OVCH2: variants seen among roughly 807,000 people sequenced by gnomAD.
OVCH2 encodes the protein ovochymase-2.
In OVCH2, 88 loss-of-function variants were observed where a neutral mutation model predicts 73.7. That is an observed-to-expected ratio of 1.19 (90% CI 1.01 to 1.43). The LOEUF (loss-of-function observed/expected upper bound fraction) is 1.43. OVCH2 is among the 40% of genes most tolerant of loss of function. The probability of loss-of-function intolerance (pLI) is 0.00; values close to 1 mark genes in which losing one functional copy is unlikely to be tolerated. For synonymous variants in OVCH2, 265 were observed against 234.5 expected (o/e 1.13, Z -1.19); for missense variants, 706 against 674.5 (o/e 1.05, Z -0.52).
Position 7,690,016 on chromosome 11 carries a change from G to T in OVCH2, c.1640-3C>A. The T allele has an allele frequency of 6.7e-7, 1 of 1,501,604 alleles. No individual in the cohort carries two copies. Among genetic ancestry groups the T allele is most frequent in the South Asian group, 1.2e-5 (1 of 83,362 alleles). The allele number at this position is 1,501,604 out of a possible 1,614,324, so 93.0% of individuals were successfully genotyped here. ...GGAGATGTTTAAATCTGGGTATACT[G>T]GGTATAAGTATGATACAATTACTCA... On this transcript the variant is annotated splice_region_variant and splice_polypyrimidine_tract_variant and intron_variant, in intron 14 of 15. Coordinates refer to ENST00000533663, the MANE Select transcript of OVCH2 (RefSeq NM_198185.7).
In OVCH2 at chr11:7,696,691, A is replaced by G. The variant is rs1856341503; in HGVS notation, c.1016+18T>C. 1 of 1,613,890 alleles carries G rather than the reference A, an allele frequency of 6.2e-7. No individual in the cohort carries two copies. On this transcript the variant is annotated intron_variant, in intron 9 of 15. Coordinates refer to ENST00000533663, the MANE Select transcript of OVCH2 (RefSeq NM_198185.7). ...GGAGGTGGGAGTAAGGAGGAGGAGT[A>G]CAAAGGGGGTTACTCACTGCTTGCT...
At chr11:7,682,954 T>G in the OVCH2 span, among the ~76,000 whole-genome samples, 2 of 152,342 alleles carry the variant, frequency 1.3e-5, no homozygotes, top group Admixed American at 6.5e-5. Context: ...AACCACCATG[T>G]TGCAATCACC....
At chr11:7,706,271 A>G (rs1275850960) in intron 1 of OVCH2, 36 bp downstream of exon 1, 2 of 1,544,204 alleles carry the variant, frequency 1.3e-6, no homozygotes, top group South Asian at 2.4e-5. Context: ...GCAAAGGTTC[A>G]GACAAAGGTA....
intron 4 of OVCH2, 145 bp from the exon 5 acceptor site, chr11:7,701,956 C>T (rs1856448425): frequency 1.2e-6 from 1 of 833,006 alleles, no homozygotes; most frequent in African/African-American, 1.7e-5. Context: ...GGTTACTTGT[C>T]AATTAAAGAA....
At chr11:7,693,572 T>G (rs1322575390) in intron 12 of OVCH2, among the ~76,000 whole-genome samples, 1 of 152,226 alleles carries the variant, frequency 6.6e-6, no homozygotes, top group Non-Finnish European at 1.5e-5. Flanking sequence ...GATTTTCAAC[T>G]AAATTTCCTC....
intron 3 of OVCH2, among the ~76,000 whole-genome samples, chr11:7,702,799 C>A (rs758396369): frequency 1.3e-5 from 2 of 152,174 alleles, no homozygotes; most frequent in African/African-American, 4.8e-5. Flanking sequence ...AACTAATGTT[C>A]TCTGAAAGGA....
chr11:7,690,829 C>T (rs570149322), intron 14 of OVCH2, among the ~76,000 whole-genome samples: 1 of 151,970 alleles, frequency 6.6e-6, no homozygotes, highest in Non-Finnish European at 1.5e-5. Context: ...AAAATGGCCC[C>T]AAGCATAGTG....
chr11:7,697,909 C>A (rs1044838832), intron 8 of OVCH2, among the ~76,000 whole-genome samples: 2 of 152,172 alleles, frequency 1.3e-5, no homozygotes, highest in Non-Finnish European at 2.9e-5. Flanking sequence ...ATTACTCAAT[C>A]GTATCCAAAC....
Position 7,702,326 on chromosome 11 carries a change from G to T in OVCH2, c.294C>A (p.Asn98Lys), listed in dbSNP as rs1408665952. The part of the protein sequence containing the change: ...ITAAHCIANR[N>K]IVSTLNVTAG... ...CAGTAACATTCAAAGTAGACACAAT[G>T]TTTCTATGGAAAGCAAAGAGTAAAA... is the stretch of plus-strand genomic sequence containing the variant. The change falls in exon 4 of 16, where the codon AAC (asparagine) becomes AAA (lysine). Residue 98 changes from asparagine (N) to lysine (K), a missense_variant. Transcript: ENST00000533663. The T allele has an allele frequency of 6.3e-7, 1 of 1,584,402 alleles. No homozygotes were observed. The highest frequency in any genetic ancestry group is 1.2e-5 in the South Asian group (1 of 85,576).
rs115682763 is a variant in OVCH2, at chr11:7,702,039, G to A, written c.463+118C>T. On this transcript the variant is annotated intron_variant, in intron 4 of 15. Transcript: ENST00000533663. Reference sequence around the variant, plus strand: ...AAAGAGTTTCAGGTAGGACTCTCCAGCCTAAATTCCTATCTCAAAGTGCAT... The same window carrying A: ...AAAGAGTTTCAGGTAGGACTCTCCAACCTAAATTCCTATCTCAAAGTGCAT... 1.5e-3 allele frequency: 1,501 copies of A among 987,648 alleles called. 20 individuals are homozygous for A. The African/African-American group carries it at 0.017, about 11-fold the overall frequency. The allele number at this position is 987,648 out of a possible 1,614,324, so 61.2% of individuals were successfully genotyped here.
chr11:7,695,156 CA>C lies in OVCH2; in HGVS notation c.1314del (p.Phe438LeufsTer9), dbSNP rs1199638045. On this transcript the variant is annotated frameshift_variant, in exon 12 of 16. Transcript: ENST00000533663. LOFTEE classifies it high-confidence loss of function. ...DSGCSYLTVL[F>X]EEGLIQSLNY... ...TTTAGACTCTGTATGAGACCTTCTT[CA>C]AAAAGGACAGTTAAGTAACTGCAAC... 1.9e-6 allele frequency: 3 copies of C among 1,558,692 alleles called. No individual in the cohort carries two copies. The highest frequency in any genetic ancestry group is 2.7e-5 in the African/African-American group (2 of 73,346).
At chr11:7,700,644 C>T (rs2069842290) in intron 6 of OVCH2, among the ~76,000 whole-genome samples, 159 bp from the exon 7 acceptor site, 1 of 152,198 alleles carries the variant, frequency 6.6e-6, no homozygotes, top group African/African-American at 2.4e-5. Context: ...CAGCACAATT[C>T]CCATATGATC....
rs1389870875 is a variant in OVCH2 at position 7,706,391 on chromosome 11, G to C, written c.4C>G (p.Leu2Val). Reference sequence around the variant, plus strand: ...AAAATCAGCTTGTTCCTGCTTATAAGCATTTTGAGACTCATAGTTTTTCCC... The same window carrying C: ...AAAATCAGCTTGTTCCTGCTTATAACCATTTTGAGACTCATAGTTTTTCCC... The part of the protein sequence containing the change: M[L>V]ISRNKLILLL... The change falls in exon 1 of 16, where the codon CTT becomes GTT. Residue 2 changes from leucine (L) to valine (V), a missense_variant. Transcript: ENST00000533663. The C allele has an allele frequency of 1.1e-5, 17 of 1,569,356 alleles. 1 individual carries two copies. The highest frequency in any genetic ancestry group is 8.2e-5 in the South Asian group (7 of 85,062).
At chr11:7,697,100 G>A (rs573609463) in intron 8 of OVCH2, 24 of 360,772 alleles carry the variant, frequency 6.7e-5, no homozygotes, top group Admixed American at 2.2e-4. Flanking sequence ...GCAGTGGCAC[G>A]ATCACAGCTT....
In OVCH2 at chr11:7,695,154, T is replaced by C. The variant is rs1342524886; in HGVS notation, c.1317A>G (p.Glu439=). Reference sequence around the variant, plus strand: ...AGTTTAGACTCTGTATGAGACCTTCTTCAAAAAGGACAGTTAAGTAACTGC... The same window carrying C: ...AGTTTAGACTCTGTATGAGACCTTCCTCAAAAAGGACAGTTAAGTAACTGC... The part of the protein sequence containing the change: ...SGCSYLTVLF[E]EGLIQSLNYP... Residue 439 remains glutamate (E), a synonymous_variant, in exon 12 of 16, where the codon GAA becomes GAG. Transcript: ENST00000533663. 1 of 1,559,394 alleles carries C rather than the reference T, an allele frequency of 6.4e-7. No individual in the cohort carries two copies.
Position 7,696,368 on chromosome 11 carries a change from G to A in OVCH2, c.1141+97C>T. The stretch of plus-strand genomic sequence containing the variant: ...CTCAAAGCGGAAGTCAAGAAGTGTG[G>A]CATTTACAGATGGCTGAGTGCCAGA... On this transcript the variant is annotated intron_variant, in intron 10 of 15. Transcript: ENST00000533663. The A allele has an allele frequency of 2.7e-6, 4 of 1,493,062 alleles. No homozygotes were observed. In the South Asian group the frequency reaches 5.1e-5, roughly 19 times the overall value. The allele number at this position is 1,493,062 out of a possible 1,614,324, so 92.5% of individuals were successfully genotyped here. A position where few individuals can be genotyped will look rare whatever the true frequency, so the allele number is the denominator to read the frequency against.
At chr11:7,697,018 TCTTCTC>T in intron 8 of OVCH2, 1 of 500,222 alleles carries the variant, frequency 2.0e-6, no homozygotes, top group Non-Finnish European at 3.5e-6. Flanking sequence ...TTTCCTTAAC[TCTTCTC>T]TCTCTTTTTA....
At chr11:7,684,506 A>ATGTG (rs55770590), downstream of OVCH2, among the ~76,000 whole-genome samples, 3,301 of 141,398 alleles carry the variant, frequency 0.023, 90 homozygotes, top group African/African-American at 0.066. Context: ...ATACATACAT[A>ATGTG]TGTGTGTGTG....
At chr11:7,700,255 C>A in intron 7 of OVCH2, 41 bp downstream of exon 7, 3 of 1,594,002 alleles carry the variant, frequency 1.9e-6, no homozygotes, top group Non-Finnish European at 2.6e-6. Flanking sequence ...CTGGCCCTAG[C>A]AGAATGGCAG....
Sources: gnomAD v4.1 joint callset for allele counts (sites outside exome capture counted in the v4.1 genomes callset) on GRCh38, gnomAD v4.1.1 for gene constraint, MANE v1.5 for transcripts, NCBI Gene and HGNC (gene_info 2026-07-23, HGNC 2026-07-21) for gene names.